PLCB1: variants seen among roughly 807,000 people sequenced by gnomAD.
The protein encoded by PLCB1 is phospholipase C beta 1.
In PLCB1, 46 loss-of-function variants were observed where a neutral mutation model predicts 161.8. The observed-to-expected ratio is 0.28, with a 90% CI of 0.22 to 0.36. The LOEUF is 0.36. Among genes scored for constraint, PLCB1 ranks in the 10% least tolerant of loss-of-function variants. PLCB1 has a pLI of 1.00. For synonymous variants in PLCB1, 517 were observed against 503.7 expected (o/e 1.03, Z -0.35); for missense variants, 1,016 against 1,472.5 (o/e 0.69, Z 5.07).
chr20:8,696,209 T>C (rs1206405334), intron 10 of PLCB1, among the ~76,000 whole-genome samples: 1 of 152,202 alleles, frequency 6.6e-6, no homozygotes, highest in East Asian at 1.9e-4. Context: ...AAGTTCTTCT[T>C]TTTTTATTTT....
At chr20:8,333,005 G>T (rs1247797074) in intron 2 of PLCB1, among the ~76,000 whole-genome samples, 1 of 152,128 alleles carries the variant, frequency 6.6e-6, no homozygotes, top group Non-Finnish European at 1.5e-5. Context: ...TAGGGTAATT[G>T]CTGGCAAAAG....
In PLCB1 at chr20:8,154,413, A is replaced by C. The variant is rs559165710; in HGVS notation, c.177+4042A>C. On this transcript the variant is annotated intron_variant, in intron 2 of 31. Coordinates refer to ENST00000338037, the MANE Select transcript of PLCB1 (RefSeq NM_015192.4). Reference sequence around the variant, plus strand: ...ATTTGGGGTTACAAAGAATCCTATAATATGGAGTAATAGTCAGCTGTGTGT... The same window carrying C: ...ATTTGGGGTTACAAAGAATCCTATACTATGGAGTAATAGTCAGCTGTGTGT... 2.1e-4 allele frequency among the ~76,000 whole-genome samples: 32 copies of C among 152,284 alleles called. No homozygotes were observed. In the South Asian group the frequency reaches 2.5e-3, roughly 12 times the overall value.
chr20:8,807,772 A>C (rs1443154040), intron 31 of PLCB1, among the ~76,000 whole-genome samples: 1 of 152,200 alleles, frequency 6.6e-6, no homozygotes, highest in African/African-American at 2.4e-5. Flanking sequence ...ACAAGTAGTT[A>C]TTAACCATTT....
chr20:8,371,353 C>G (rs755929627), intron 2 of PLCB1, 29 bp from the exon 3 acceptor site: 1 of 1,551,688 alleles, frequency 6.4e-7, no homozygotes, highest in Admixed American at 1.7e-5. Context: ...TGTGTCGTTG[C>G]TTAACGATTT....
chr20:8,389,671 G>A (rs187663313), intron 3 of PLCB1, among the ~76,000 whole-genome samples: 1 of 152,226 alleles, frequency 6.6e-6, no homozygotes, highest in Non-Finnish European at 1.5e-5. Flanking sequence ...GCAATAATGC[G>A]CCATCTTGTG....
At chr20:8,621,660 C>T (rs947676363) in intron 3 of PLCB1, among the ~76,000 whole-genome samples, 2 of 152,212 alleles carry the variant, frequency 1.3e-5, no homozygotes, top group Admixed American at 1.3e-4. Context: ...TGAATGAGTG[C>T]TATTTAAGTT....
chr20:8,193,919 G>A (rs1025749538), intron 2 of PLCB1, among the ~76,000 whole-genome samples: 2 of 151,638 alleles, frequency 1.3e-5, no homozygotes, highest in African/African-American at 4.9e-5. Flanking sequence ...TTTCTGCCTT[G>A]CTTTCTTCTT....
chr20:8,166,544 G>A (rs984033451), intron 2 of PLCB1, among the ~76,000 whole-genome samples: 8 of 151,986 alleles, frequency 5.3e-5, no homozygotes, highest in African/African-American at 1.9e-4. Context: ...TGGATACATT[G>A]GCTCCCAATT....
intron 3 of PLCB1, among the ~76,000 whole-genome samples, chr20:8,463,277 A>T (rs1981671250): frequency 1.3e-5 from 2 of 152,014 alleles, no homozygotes; most frequent in Non-Finnish European, 2.9e-5. Flanking sequence ...AAGAATAATA[A>T]TAAAATAAGC....
chr20:8,834,809 A>G (rs1266171483), intron 31 of PLCB1, among the ~76,000 whole-genome samples: 1 of 62,308 alleles, frequency 1.6e-5, no homozygotes, highest in African/African-American at 5.6e-5. Context: ...ACTCTGCCTC[A>G]GAAAAAAAAA....
intron 3 of PLCB1, among the ~76,000 whole-genome samples, chr20:8,555,916 G>C: frequency 6.6e-6 from 1 of 151,922 alleles, no homozygotes. Flanking sequence ...ATATCATTTT[G>C]AGACAAATTT....
chr20:8,800,366 A>G (rs1184553741), intron 31 of PLCB1, among the ~76,000 whole-genome samples: 1 of 152,218 alleles, frequency 6.6e-6, no homozygotes. Flanking sequence ...TATAATCATT[A>G]GTTGAGGTTA....
At chr20:8,325,572 A>T (rs1183037902) in intron 2 of PLCB1, among the ~76,000 whole-genome samples, 1 of 152,176 alleles carries the variant, frequency 6.6e-6, no homozygotes, top group Non-Finnish European at 1.5e-5. Flanking sequence ...GAAATTTATC[A>T]TGTATTAATT....
intron 31 of PLCB1, among the ~76,000 whole-genome samples, chr20:8,859,857 T>C (rs148037881): frequency 1.8e-4 from 27 of 152,222 alleles, no homozygotes; most frequent in African/African-American, 6.5e-4. Flanking sequence ...AGACATAATA[T>C]ACTTTTCTCC....
intron 31 of PLCB1, among the ~76,000 whole-genome samples, chr20:8,846,509 C>T (rs967035581): frequency 6.6e-6 from 1 of 152,096 alleles, no homozygotes; most frequent in Non-Finnish European, 1.5e-5. Flanking sequence ...TAGAGTAGGT[C>T]TAGGTGCACT....
At chr20:8,324,041 G>A (rs2719770) in intron 2 of PLCB1, among the ~76,000 whole-genome samples, 1,807 of 152,192 alleles carry the variant, frequency 0.012, 36 homozygotes, top group African/African-American at 0.04. Flanking sequence ...AAAAACATAT[G>A]TACTATTGCT....
intron 27 of PLCB1, among the ~76,000 whole-genome samples, chr20:8,780,536 T>A (rs1022387408): frequency 3.9e-5 from 6 of 152,208 alleles, no homozygotes; most frequent in Non-Finnish European, 8.8e-5. Flanking sequence ...CCTCTTTCTT[T>A]ACATCAAACT....
In PLCB1 at chr20:8,649,377, A is replaced by G. The variant is rs758248785; in HGVS notation, c.522A>G (p.Ile174Met). Residue 174 changes from isoleucine (I) to methionine (M), a missense_variant, in exon 7 of 32, where the codon ATA becomes ATG. Ile to Met is a conservative substitution (Grantham distance 10). Transcript: ENST00000338037. Reference protein sequence around the residue: ...TPEGRIPLKNIYRLFSADRKR... With the variant: ...TPEGRIPLKNMYRLFSADRKR... ...CTTTGTTGTGTTCACTTCACAGCATATATCGCTTGTTTTCAGCAGATCGGA... is the reference window on the plus strand; with the variant it reads ...CTTTGTTGTGTTCACTTCACAGCATGTATCGCTTGTTTTCAGCAGATCGGA... 6 of 1,612,334 alleles carry G rather than the reference A, an allele frequency of 3.7e-6. No individual in the cohort carries two copies. The highest frequency in any genetic ancestry group is 3.3e-5 in the South Asian group (3 of 91,038).
At chr20:8,556,903 C>A (rs1330327273) in intron 3 of PLCB1, among the ~76,000 whole-genome samples, 1 of 150,776 alleles carries the variant, frequency 6.6e-6, no homozygotes, top group Non-Finnish European at 1.5e-5. Flanking sequence ...CATCAGTAAT[C>A]CCTCAGGAAA....
Sources: allele counts gnomAD v4.1 joint callset (sites outside exome capture counted in the v4.1 genomes callset), GRCh38; gene constraint gnomAD v4.1.1; transcripts MANE v1.5; gene names NCBI Gene and HGNC (gene_info 2026-07-23, HGNC 2026-07-21).